Variants in MED14 observed in about 807,000 individuals in gnomAD.
MED14 encodes mediator of RNA polymerase II transcription subunit 14.
In MED14, 8 loss-of-function variants were observed where a neutral mutation model predicts 109.0. That is an observed-to-expected ratio of 0.07 (90% CI 0.04 to 0.13). MED14 has a LOEUF of 0.13. Ranked by LOEUF, MED14 falls within the 10% of genes least tolerant of loss-of-function variation. The probability of loss-of-function intolerance (pLI) is 1.00; values close to 1 mark genes in which losing one functional copy is unlikely to be tolerated. For synonymous variants in MED14, 399 were observed against 408.7 expected, an observed-to-expected ratio of 0.98 and a Z score of 0.29; for missense variants, 711 against 1,142.4, an observed-to-expected ratio of 0.62 and a Z score of 5.44.
At chrX:40,705,306 G>A (rs974484911) in intron 10 of MED14, among the ~76,000 whole-genome samples, 3 of 111,945 alleles carry the variant, frequency 2.7e-5, no homozygotes, top group Non-Finnish European at 5.6e-5. Context: ...TTTCTAAAGC[G>A]TGGCAACAGA....
At chrX:40,722,632 C>A (rs1184958122) in intron 3 of MED14, among the ~76,000 whole-genome samples, 2 of 111,243 alleles carry the variant, frequency 1.8e-5, no homozygotes, top group African/African-American at 6.5e-5. Flanking sequence ...TTATAGAACA[C>A]CAAGCAGATT....
chrX:40,714,964 T>C (rs1337024330), intron 3 of MED14: 3 of 284,936 alleles, frequency 1.1e-5, no homozygotes, highest in East Asian at 6.1e-5. Flanking sequence ...TCCTTAACAT[T>C]ACACACACAT....
chrX:40,682,782 C>T lies in MED14; in HGVS notation c.2219-33G>A, dbSNP rs192308866. On this transcript the variant is annotated intron_variant, in intron 17 of 30. Coordinates refer to ENST00000324817, the MANE Select transcript of MED14 (RefSeq NM_004229.4). ...ATTAAAAGAGAATATTAATAGTAAT[C>T]GATACCAAAAAAATCCAGAAATATG... 830 of 1,202,644 alleles carry T rather than the reference C, an allele frequency of 6.9e-4. 5 individuals carry two copies. The Admixed American group carries it at 7.0e-3, about 10-fold the overall frequency.
intron 13 of MED14, among the ~76,000 whole-genome samples, chrX:40,694,408 T>C (rs1017358617): frequency 1.4e-4 from 16 of 111,417 alleles, no homozygotes; most frequent in Non-Finnish European, 5.7e-5. Context: ...CAAAAATATA[T>C]GCCATTAGGA....
chrX:40,692,999 A>C, intron 13 of MED14, 97 bp from the exon 14 acceptor site: 1 of 558,293 alleles, frequency 1.8e-6, no homozygotes, highest in Non-Finnish European at 2.5e-6. Context: ...TATAAATCTA[A>C]TGTAGATGTC....
At chrX:40,729,505 T>C (rs1932009822) in intron 1 of MED14, 160 bp from the exon 2 acceptor site, 2 of 486,836 alleles carry the variant, frequency 4.1e-6, no homozygotes, top group African/African-American at 2.4e-5. Flanking sequence ...TTTAGATTTA[T>C]GAGTTTCCAG....
chrX:40,673,673 C>T (rs1929808300), intron 22 of MED14, among the ~76,000 whole-genome samples: 1 of 109,488 alleles, frequency 9.1e-6, no homozygotes, highest in Admixed American at 9.7e-5. Flanking sequence ...ATGGAGAAAC[C>T]CCCTCTCTAC....
chrX:40,725,828 C>T (rs191465981), intron 3 of MED14, among the ~76,000 whole-genome samples: 26 of 111,395 alleles, frequency 2.3e-4, no homozygotes, highest in African/African-American at 8.2e-4. Flanking sequence ...GAAGTCCTAG[C>T]TAGAGCAATC....
chrX:40,709,066 C>G (rs1931245911), intron 10 of MED14, among the ~76,000 whole-genome samples: 1 of 111,386 alleles, frequency 9.0e-6, no homozygotes, highest in Non-Finnish European at 1.9e-5. Context: ...TCTCGGCCTC[C>G]CAAAGTGCTG....
chrX:40,668,731 T>C (rs146798925), intron 23 of MED14, among the ~76,000 whole-genome samples: 2,522 of 112,033 alleles, frequency 0.023, 76 homozygotes, highest in African/African-American at 0.077. Context: ...TATACACATA[T>C]ATGATAAAGT....
In MED14 at chrX:40,650,857, G is replaced by A. The variant is rs1264763304; in HGVS notation, c.*949C>T. On this transcript the variant is annotated 3_prime_UTR_variant, in exon 31 of 31. Transcript: ENST00000324817. ...AAAGCTCACAGAAACTTCATGCAGAGGTACAGCATTAAAGTTCTTTGTTTC... is the reference window on the plus strand; with the variant it reads ...AAAGCTCACAGAAACTTCATGCAGAAGTACAGCATTAAAGTTCTTTGTTTC... The A allele has an allele frequency of 2.7e-6, 2 of 749,115 alleles. No homozygotes were observed. The highest frequency in any genetic ancestry group is 3.1e-6 in the Non-Finnish European group (2 of 635,661). 61.7% of individuals were successfully genotyped at this position (749,115 alleles called of 1,213,427 possible). A position where few individuals can be genotyped will look rare whatever the true frequency, so the allele number is the denominator to read the frequency against.
At chrX:40,696,054 T>C (rs1382127601) in intron 13 of MED14, among the ~76,000 whole-genome samples, 1 of 110,733 alleles carries the variant, frequency 9.0e-6, no homozygotes, top group Non-Finnish European at 1.9e-5. Context: ...TTTACAGGCA[T>C]GAGCCATCAC....
chrX:40,723,589 C>T (rs56343816), intron 3 of MED14, among the ~76,000 whole-genome samples: 1 of 91,799 alleles, frequency 1.1e-5, no homozygotes, highest in Non-Finnish European at 2.0e-5. Context: ...TCGCTTGAAT[C>T]TGGGAGTCAG....
intron 10 of MED14, among the ~76,000 whole-genome samples, chrX:40,705,359 A>G (rs1931098523): frequency 8.9e-6 from 1 of 112,070 alleles, no homozygotes; most frequent in African/African-American, 3.2e-5. Context: ...TATAATTTCA[A>G]TCTAATTACC....
At position 40,713,848 on chromosome X, in the gene MED14, C is replaced by A; in HGVS notation, c.582G>T (p.Gln194His). ...TKIEKQATLH[Q>H]LNQILRHRLV... ...GCCGATGTCTAAGAATCTGATTCAG[C>A]TGATGGAGTGTGGCTTGTTTTTCAA... The change falls in exon 5 of 31, where the codon CAG becomes CAT. Residue 194 changes from glutamine to histidine, a missense_variant. By Grantham distance (24) the Gln-to-His change is conservative. Around this residue, in one of 8 missense-constraint regions of MED14, gnomAD observed 388 missense variants for 517.3 expected, o/e 0.75. Coordinates refer to ENST00000324817, the MANE Select transcript of MED14 (RefSeq NM_004229.4). 4.1e-6 allele frequency: 5 copies of A among 1,210,465 alleles called. No individual in the cohort carries two copies. Among genetic ancestry groups the A allele is most frequent in the Non-Finnish European group, 5.6e-6 (5 of 894,241 alleles).
In MED14 at chrX:40,651,939, G is replaced by A. The variant is rs1423066661; in HGVS notation, c.4292-60C>T. 9 of 1,072,090 alleles carry A rather than the reference G, an allele frequency of 8.4e-6. No individual in the cohort carries two copies. The East Asian group carries it at 2.3e-4, about 28-fold the overall frequency. 88.4% of individuals were successfully genotyped at this position (1,072,090 alleles called of 1,213,427 possible). On this transcript the variant is annotated intron_variant, in intron 30 of 30. Coordinates refer to ENST00000324817, the MANE Select transcript of MED14 (RefSeq NM_004229.4). Reference sequence around the variant, plus strand: ...AACACAGGAAAGATGTTAACACACCGGTAAGGGAAGGGGTAATTAAATCTA... The same window carrying A: ...AACACAGGAAAGATGTTAACACACCAGTAAGGGAAGGGGTAATTAAATCTA...
intron 16 of MED14, among the ~76,000 whole-genome samples, chrX:40,686,280 A>C (rs911382824): frequency 8.9e-6 from 1 of 112,037 alleles, no homozygotes; most frequent in African/African-American, 3.2e-5. Flanking sequence ...AGAAGAAAGG[A>C]GACTGAAATT....
intron 16 of MED14, among the ~76,000 whole-genome samples, chrX:40,684,728 T>C (rs1930237934): frequency 8.9e-6 from 1 of 112,267 alleles, no homozygotes; most frequent in Admixed American, 9.4e-5. Context: ...AAAACAGGTT[T>C]TTCACAAAAT....
intron 30 of MED14, among the ~76,000 whole-genome samples, chrX:40,653,015 C>T (rs1928927688): frequency 1.8e-5 from 2 of 112,357 alleles, no homozygotes; most frequent in African/African-American, 3.2e-5. Flanking sequence ...AATATCTCAA[C>T]AATTTCTGAA....
Sources: gnomAD v4.1 joint callset for allele counts (sites outside exome capture counted in the v4.1 genomes callset) on GRCh38, gnomAD v4.1.1 for gene constraint, gnomAD v4.1.1 regional missense constraint, MANE v1.5 for transcripts, NCBI Gene and HGNC (gene_info 2026-07-23, HGNC 2026-07-21) for gene names.